MYO1B: variants seen among roughly 807,000 people sequenced by gnomAD.
The protein encoded by MYO1B is myosin IB.
A neutral mutation model predicts 159.7 loss-of-function variants in MYO1B; 72 were observed. The observed-to-expected ratio is 0.45, with a 90% CI of 0.37 to 0.55. MYO1B has a LOEUF of 0.55. Among genes scored for constraint, MYO1B ranks in the 20% least tolerant of loss-of-function variants. The pLI is 0.00. For synonymous variants in MYO1B, 468 were observed against 473.8 expected, an observed-to-expected ratio of 0.99 and a Z score of 0.16; for missense variants, 1,062 against 1,364.8, an observed-to-expected ratio of 0.78 and a Z score of 3.50.
intron 3 of MYO1B, among the ~76,000 whole-genome samples, chr2:191,300,238 C>A (rs1273962159): frequency 6.6e-6 from 1 of 152,040 alleles, no homozygotes; most frequent in Non-Finnish European, 1.5e-5. Context: ...GAATTTAGTT[C>A]CAGTTTGAAT....
Position 191,337,976 on chromosome 2 carries a change from C to T in MYO1B, c.347-3485C>T, listed in dbSNP as rs1186214809. Among the ~76,000 whole-genome samples, 3 of 152,116 alleles carry T rather than the reference C, an allele frequency of 2.0e-5. No individual in the cohort carries two copies. The East Asian group carries it at 5.8e-4, about 29-fold the overall frequency. On this transcript the variant is annotated intron_variant, in intron 4 of 30. Coordinates refer to ENST00000392318, the MANE Select transcript of MYO1B (RefSeq NM_001130158.3). ...GTCAAAAGGAAATGAAGCACAAAGT[C>T]TCATGAGGTAACTATTATTTCCAGT...
At chr2:191,364,472 G>A (rs1174843656) in intron 11 of MYO1B, among the ~76,000 whole-genome samples, 196 bp downstream of exon 11, 4 of 152,232 alleles carry the variant, frequency 2.6e-5, no homozygotes, top group Non-Finnish European at 5.9e-5. Context: ...GAGGGAATTA[G>A]ATGATAATCA....
At chr2:191,277,515 A>T (rs896175688) in intron 2 of MYO1B, among the ~76,000 whole-genome samples, 2 of 152,236 alleles carry the variant, frequency 1.3e-5, no homozygotes, top group East Asian at 3.8e-4. Flanking sequence ...GGCTATAGTC[A>T]TGTCCTACTG....
intron 16 of MYO1B, among the ~76,000 whole-genome samples, chr2:191,386,757 A>G (rs1695422149): frequency 1.3e-5 from 2 of 152,128 alleles, no homozygotes; most frequent in Admixed American, 6.6e-5. Context: ...AGAACTTGGT[A>G]CTTTATTTTT....
In MYO1B at chr2:191,402,662, G is replaced by A; in HGVS notation, c.2500G>A (p.Glu834Lys). 9 of 1,613,774 alleles carry A rather than the reference G, an allele frequency of 5.6e-6. No homozygotes were observed. Among genetic ancestry groups the A allele is most frequent in the Non-Finnish European group, 7.6e-6 (9 of 1,179,792 alleles). Residue 834 changes from glutamate (E) to lysine (K), a missense_variant, in exon 24 of 31, where the codon GAG (glutamate) becomes AAG (lysine). Around this residue, in one of 5 missense-constraint regions of MYO1B, gnomAD observed 609 missense variants for 744.4 expected, o/e 0.82. Transcript: ENST00000392318. Reference sequence around the variant, plus strand: ...AAGGGAATTGAAACGCTTGAAGGAGGAGGCTAGGCGTAAGCATGCAGTTGC... The same window carrying A: ...AAGGGAATTGAAACGCTTGAAGGAGAAGGCTAGGCGTAAGCATGCAGTTGC... ...ARRELKRLKE[E>K]ARRKHAVAVI...
chr2:191,294,924 TTC>T (rs1377612142), intron 2 of MYO1B, among the ~76,000 whole-genome samples: 1 of 152,286 alleles, frequency 6.6e-6, no homozygotes, highest in Admixed American at 6.5e-5. Context: ...TCATTTTCTA[TTC>T]TGTTTAATTT....
chr2:191,296,252 T>C, intron 3 of MYO1B, 26 bp downstream of exon 3: 1 of 1,409,730 alleles, frequency 7.1e-7, no homozygotes, highest in South Asian at 1.3e-5. Flanking sequence ...AAGCATTAAG[T>C]TTCTCTTTTA....
Position 191,346,269 on chromosome 2 carries a change from A to T in MYO1B, c.485A>T (p.Asn162Ile). ...FGNAKTVRND[N>I]SSRFGKYMDI... ...AATGCCAAAACTGTAAGGAATGACA[A>T]CTCCTCTAGATTTGTAAGTATTTGT... is the stretch of plus-strand genomic sequence containing the variant. Residue 162 changes from asparagine (N) to isoleucine (I), a missense_variant, in exon 6 of 31, where the codon AAC becomes ATC. By Grantham distance (149) the Asn-to-Ile change is moderately radical. Transcript: ENST00000392318. 6.4e-7 allele frequency: 1 copy of T among 1,571,884 alleles called. No individual in the cohort carries two copies. The highest frequency in any genetic ancestry group is 8.6e-7 in the Non-Finnish European group (1 of 1,157,638).
chr2:191,296,902 A>C (rs1159325446), intron 3 of MYO1B, among the ~76,000 whole-genome samples: 2 of 152,204 alleles, frequency 1.3e-5, no homozygotes, highest in Non-Finnish European at 2.9e-5. Context: ...GAAACATAAC[A>C]CTGGAAAAGT....
intron 2 of MYO1B, among the ~76,000 whole-genome samples, chr2:191,283,123 A>G (rs1180933304): frequency 4.6e-5 from 7 of 152,248 alleles, no homozygotes; most frequent in Non-Finnish European, 7.3e-5. Context: ...ATAACTTGCC[A>G]GCTTCAACCC....
At chr2:191,344,467 G>T (rs183199876) in intron 5 of MYO1B, among the ~76,000 whole-genome samples, 43 of 152,292 alleles carry the variant, frequency 2.8e-4, no homozygotes, top group Non-Finnish European at 6.0e-4. Context: ...CATCTCTAAG[G>T]CAAAGAACTT....
rs114424050 is a variant in MYO1B, at chr2:191,348,146, G to T, written c.498+1864G>T. Among the ~76,000 whole-genome samples the T allele has an allele frequency of 1.7e-3, 264 of 152,314 alleles. 1 individual carries two copies. The highest frequency in any genetic ancestry group is 2.6e-3 in the Non-Finnish European group (179 of 68,032). The stretch of plus-strand genomic sequence containing the variant: ...CAGGAAGTGGCTTAGTGGGAATAGT[G>T]TCATTCCACTATCAACTGAATTCTC... On this transcript the variant is annotated intron_variant, in intron 6 of 30. Coordinates refer to ENST00000392318, the MANE Select transcript of MYO1B (RefSeq NM_001130158.3).
At chr2:191,276,411 G>T (rs992289922) in intron 1 of MYO1B, among the ~76,000 whole-genome samples, 1 of 152,200 alleles carries the variant, frequency 6.6e-6, no homozygotes, top group African/African-American at 2.4e-5. Flanking sequence ...TATTGTGAGG[G>T]TTCAATTAAT....
At position 191,330,523 on chromosome 2, in the gene MYO1B, TA is replaced by T. The variant is rs1162374944; in HGVS notation, c.346+501del. On this transcript the variant is annotated intron_variant, in intron 4 of 30. Transcript: ENST00000392318. ...TTTTTTAGACCTGGCAAGCTTCGCA[TA>T]AAAAAACCCTCCAAATGGAAGGGTT... is the stretch of plus-strand genomic sequence containing the variant. 1.6e-4 allele frequency among the ~76,000 whole-genome samples: 25 copies of T among 152,290 alleles called. No homozygotes were observed. The East Asian group carries it at 3.9e-3, about 24-fold the overall frequency.
At position 191,353,976 on chromosome 2, in the gene MYO1B, G is replaced by T. The variant is rs558885415; in HGVS notation, c.562+3751G>T. On this transcript the variant is annotated intron_variant, in intron 7 of 30. Transcript: ENST00000392318. The stretch of plus-strand genomic sequence containing the variant: ...AGCAACTAAAATAGTGTCAAACATA[G>T]GCTGGGTGCCATGGCTCATGCCTGT... 3.3e-5 allele frequency among the ~76,000 whole-genome samples: 5 copies of T among 152,254 alleles called. No individual in the cohort carries two copies. In the South Asian group the frequency reaches 1.0e-3, roughly 32 times the overall value.
chr2:191,295,723 T>A (rs2125810813), intron 2 of MYO1B, among the ~76,000 whole-genome samples: 2 of 152,118 alleles, frequency 1.3e-5, no homozygotes, highest in South Asian at 4.1e-4. Context: ...TGGAAAAAGA[T>A]GAGAGAAGAA....
chr2:191,296,204 T>G lies in MYO1B; in HGVS notation c.229T>G (p.Phe77Val). Residue 77 changes from phenylalanine to valine, a missense_variant, in exon 3 of 31, where the codon TTT (phenylalanine) becomes GTT (valine). This residue lies in a region of MYO1B where 415 missense variants were observed against 544.0 expected (regional missense o/e 0.76). Coordinates refer to ENST00000392318, the MANE Select transcript of MYO1B (RefSeq NM_001130158.3). ...AGTGGAAGAATACAGGAACAGAAAT[T>G]TTTATGAACTGAGCCCTCACATGTA... is the stretch of plus-strand genomic sequence containing the variant. Reference protein sequence around the residue: ...EKVEEYRNRNFYELSPHIFAL... With the variant: ...EKVEEYRNRNVYELSPHIFAL... 3 of 1,608,046 alleles carry G rather than the reference T, an allele frequency of 1.9e-6. No individual in the cohort carries two copies. Among genetic ancestry groups the G allele is most frequent in the Non-Finnish European group, 1.7e-6 (2 of 1,175,726 alleles).
At chr2:191,363,064 C>T (rs1693775730) in intron 9 of MYO1B, among the ~76,000 whole-genome samples, 1 of 152,202 alleles carries the variant, frequency 6.6e-6, no homozygotes, top group South Asian at 2.1e-4. Flanking sequence ...ACATTACTCC[C>T]ATTGCTGTGT....
intron 4 of MYO1B, 106 bp downstream of exon 4, chr2:191,330,135 T>G: frequency 1.2e-6 from 1 of 865,484 alleles, no homozygotes; most frequent in Non-Finnish European, 1.8e-6. Context: ...GCAGGGCCAC[T>G]GTGAGGGTGC....
Sources: allele counts gnomAD v4.1 joint callset (sites outside exome capture counted in the v4.1 genomes callset), GRCh38; gene constraint gnomAD v4.1.1; regional missense constraint gnomAD v4.1.1; transcripts MANE v1.5; gene names NCBI Gene and HGNC (gene_info 2026-07-23, HGNC 2026-07-21).